The following NTRK2 variants were observed in gnomAD, a reference collection of about 807,000 sequenced individuals.
NTRK2 encodes BDNF/NT-3 growth factors receptor.
Under a neutral mutation model 94.5 loss-of-function variants are expected in NTRK2, and 13 were observed. That is an observed-to-expected ratio of 0.14 (90% CI 0.09 to 0.22). NTRK2 has a LOEUF of 0.22. Ranked by LOEUF, NTRK2 falls within the 10% of genes least tolerant of loss-of-function variation. NTRK2 has a pLI of 1.00. For missense variants in NTRK2, 639 were observed against 1,071.2 expected, an observed-to-expected ratio of 0.60 and a Z score of 5.63; for synonymous variants, 372 against 407.4, an observed-to-expected ratio of 0.91 and a Z score of 1.05.
intron 17 of NTRK2, among the ~76,000 whole-genome samples, chr9:84,956,761 G>A (rs776575311): frequency 7.9e-5 from 12 of 151,920 alleles, no homozygotes; most frequent in East Asian, 1.9e-4. Flanking sequence ...TGGCCTCTGC[G>A]TTTTAGTGGG....
intron 17 of NTRK2, among the ~76,000 whole-genome samples, chr9:84,998,575 G>A (rs1203870030): frequency 2.0e-5 from 3 of 152,188 alleles, no homozygotes; most frequent in African/African-American, 7.2e-5. Context: ...AGGGGAAAGA[G>A]GGGTGCAGAC....
Position 84,863,910 on chromosome 9 carries a change from G to A in NTRK2, c.1444+2823G>A, listed in dbSNP as rs78651158. 2.4e-4 allele frequency among the ~76,000 whole-genome samples: 36 copies of A among 152,200 alleles called. No homozygotes were observed. The East Asian group carries it at 6.4e-3, about 27-fold the overall frequency. The stretch of plus-strand genomic sequence containing the variant: ...TGCTTCTACGCTTAATCCTCCCCTC[G>A]CTCCCCAAACAAGAGCTCATTCCCT... On this transcript the variant is annotated intron_variant, in intron 13 of 18. Coordinates refer to ENST00000277120, the MANE Select transcript of NTRK2 (RefSeq NM_006180.6).
intron 12 of NTRK2, among the ~76,000 whole-genome samples, chr9:84,834,761 C>T (rs948410505): frequency 1.3e-5 from 2 of 152,150 alleles, no homozygotes; most frequent in Non-Finnish European, 1.5e-5. Context: ...ATACACAGGG[C>T]CACCTTCATG....
chr9:84,899,631 A>C (rs12353238), intron 14 of NTRK2, among the ~76,000 whole-genome samples: 18,410 of 152,248 alleles, frequency 0.12, 1,327 homozygotes, highest in East Asian at 0.22. Flanking sequence ...GAGCTTAGAG[A>C]ATAGCACGTC....
chr9:84,750,969 C>A (rs1306371839), intron 11 of NTRK2, among the ~76,000 whole-genome samples: 1 of 152,214 alleles, frequency 6.6e-6, no homozygotes, highest in Non-Finnish European at 1.5e-5. Flanking sequence ...ATATCTACAT[C>A]TACCCTCTTG....
At chr9:84,770,065 G>C (rs980878465) in intron 12 of NTRK2, among the ~76,000 whole-genome samples, 6 of 151,726 alleles carry the variant, frequency 4.0e-5, no homozygotes, top group African/African-American at 1.2e-4. Context: ...GCATATGTTT[G>C]CTTCTGAGGG....
intron 6 of NTRK2, among the ~76,000 whole-genome samples, chr9:84,713,886 G>GTT (rs201627891): frequency 1.1e-4 from 16 of 140,008 alleles, no homozygotes; most frequent in South Asian, 6.8e-4. Flanking sequence ...CTAGATGTGG[G>GTT]TTTTTTTTTT....
At chr9:84,808,103 G>C (rs578070419) in intron 12 of NTRK2, among the ~76,000 whole-genome samples, 1 of 152,282 alleles carries the variant, frequency 6.6e-6, no homozygotes, top group African/African-American at 2.4e-5. Flanking sequence ...CAAAAGGCAA[G>C]CACAAGAAGG....
chr9:84,967,161 T>C (rs1825652685), intron 17 of NTRK2, among the ~76,000 whole-genome samples: 1 of 152,210 alleles, frequency 6.6e-6, no homozygotes. Context: ...CTAGGTAATG[T>C]TGTCAAAGAC....
rs1412521840 is a variant in NTRK2, at chr9:84,979,295, G to A, written c.2172+23778G>A. On this transcript the variant is annotated intron_variant, in intron 17 of 18. Coordinates refer to ENST00000277120, the MANE Select transcript of NTRK2 (RefSeq NM_006180.6). ...TTTGTAGGAAGAGGTCAGACTATCA[G>A]TATTAACAGGCATTTGGAAGAAGTT... 3.3e-5 allele frequency among the ~76,000 whole-genome samples: 5 copies of A among 152,220 alleles called. No individual in the cohort carries two copies. In the East Asian group the frequency reaches 9.6e-4, roughly 29 times the overall value.
chr9:84,986,819 T>C (rs11140814), intron 17 of NTRK2, among the ~76,000 whole-genome samples: 2,878 of 152,334 alleles, frequency 0.019, 52 homozygotes, highest in Middle Eastern at 0.044. Flanking sequence ...GAACCCACCA[T>C]TACATTCACT....
At chr9:84,867,512 G>A in intron 14 of NTRK2, 81 bp downstream of exon 14, 1 of 1,194,314 alleles carries the variant, frequency 8.4e-7, no homozygotes, top group Admixed American at 1.7e-5. Flanking sequence ...CCCCTGATAG[G>A]GATGACTGGC....
At position 84,836,016 on chromosome 9, in the gene NTRK2, A is replaced by G. The variant is rs538176398; in HGVS notation, c.1397-25024A>G. The stretch of plus-strand genomic sequence containing the variant: ...GTGCCAAGGCATAATGCTAGATCCC[A>G]TCACATTGTGGGGCCGTCTTAGAAC... On this transcript the variant is annotated intron_variant, in intron 12 of 18. Coordinates refer to ENST00000277120, the MANE Select transcript of NTRK2 (RefSeq NM_006180.6). Among the ~76,000 whole-genome samples the G allele has an allele frequency of 3.2e-4, 48 of 152,196 alleles. No individual in the cohort carries two copies. The South Asian group carries it at 9.6e-3, about 30-fold the overall frequency.
chr9:84,868,969 T>G (rs1283867588), intron 14 of NTRK2, among the ~76,000 whole-genome samples: 2 of 152,130 alleles, frequency 1.3e-5, no homozygotes, highest in African/African-American at 4.8e-5. Context: ...TTGCTTTCCT[T>G]TGTGGAGGGA....
rs1029545562 is a variant in NTRK2, at chr9:84,706,767, T to C, written c.360-1077T>C. ...GGATGGTCTCGATCTCCTGACCTCA[T>C]GATCCACCCACCTCGGCCTCCCAAA... On this transcript the variant is annotated intron_variant, in intron 4 of 18. Transcript: ENST00000277120. Among the ~76,000 whole-genome samples, 17 of 151,818 alleles carry C rather than the reference T, an allele frequency of 1.1e-4. 1 individual carries two copies. The highest frequency in any genetic ancestry group is 2.9e-5 in the Non-Finnish European group (2 of 67,948).
Position 85,021,493 on chromosome 9 carries a change from A to T in NTRK2, c.*56A>T. 1.9e-6 allele frequency: 3 copies of T among 1,577,364 alleles called. No homozygotes were observed. Among genetic ancestry groups the T allele is most frequent in the Non-Finnish European group, 2.6e-6 (3 of 1,147,214 alleles). On this transcript the variant is annotated 3_prime_UTR_variant, in exon 19 of 19. Transcript: ENST00000277120. ...CGTACTCCTCAGACGGGCTGAGAGG[A>T]TGAACATCTTTTAACTGCCGCTGGA...
chr9:84,877,835 T>C, intron 14 of NTRK2: 1 of 1,043,398 alleles, frequency 9.6e-7, no homozygotes, highest in East Asian at 5.6e-5. Flanking sequence ...TGTACTGGAA[T>C]TTGTGATGTA....
chr9:84,955,558 C>G (rs953825868), intron 17 of NTRK2, 41 bp downstream of exon 17: 1 of 1,484,498 alleles, frequency 6.7e-7, no homozygotes, highest in Admixed American at 1.7e-5. Context: ...GGACCTCTTT[C>G]CCTGCGGGAC....
rs1194064201 is a variant in NTRK2, at chr9:84,913,157, T to C, written c.1634-21005T>C. Among the ~76,000 whole-genome samples, 5 of 152,318 alleles carry C rather than the reference T, an allele frequency of 3.3e-5. No individual in the cohort carries two copies. In the South Asian group the frequency reaches 8.3e-4, roughly 25 times the overall value. ...TTCTTCCTGCCTTTCTCCAGATAACTTGAACATTTTTTAGAATTCTTTTTT... is the reference window on the plus strand; with the variant it reads ...TTCTTCCTGCCTTTCTCCAGATAACCTGAACATTTTTTAGAATTCTTTTTT... On this transcript the variant is annotated intron_variant, in intron 14 of 18. Coordinates refer to ENST00000277120, the MANE Select transcript of NTRK2 (RefSeq NM_006180.6).
Sources: allele counts gnomAD v4.1 joint callset (sites outside exome capture counted in the v4.1 genomes callset), GRCh38; gene constraint gnomAD v4.1.1; transcripts MANE v1.5; gene names NCBI Gene and HGNC (gene_info 2026-07-23, HGNC 2026-07-21).